Variants in ADCY8 observed in about 807,000 individuals in gnomAD.
ADCY8 encodes the protein adenylate cyclase type 8.
In ADCY8, 51 loss-of-function variants were observed where a neutral mutation model predicts 119.7. The ratio of observed to expected loss-of-function variants is 0.43; its 90% CI spans 0.34 to 0.54. ADCY8 has a LOEUF of 0.54. Ranked by LOEUF, ADCY8 falls within the 20% of genes least tolerant of loss-of-function variation. ADCY8 has a pLI of 0.03. For missense variants in ADCY8, 1,383 were observed against 1,598.8 expected (o/e 0.87, Z 2.30); for synonymous variants, 665 against 651.0 (o/e 1.02, Z -0.33).
At chr8:130,971,708 T>C (rs994448823) in intron 2 of ADCY8, among the ~76,000 whole-genome samples, 2 of 152,136 alleles carry the variant, frequency 1.3e-5, no homozygotes, top group South Asian at 2.1e-4. Flanking sequence ...AGAGGTGATA[T>C]GTGAGCTGAG....
intron 1 of ADCY8, among the ~76,000 whole-genome samples, chr8:131,013,772 G>C (rs536934129): frequency 6.6e-6 from 1 of 152,142 alleles, no homozygotes; most frequent in East Asian, 1.9e-4. Context: ...AACTTGCCAA[G>C]GGCTTGTTTT....
At chr8:131,017,698 G>T (rs1367021054) in intron 1 of ADCY8, among the ~76,000 whole-genome samples, 1 of 152,116 alleles carries the variant, frequency 6.6e-6, no homozygotes, top group African/African-American at 2.4e-5. Context: ...CCTGCAAGGG[G>T]CCGACGATGG....
chr8:130,822,840 T>TA (rs1333238594), intron 12 of ADCY8, among the ~76,000 whole-genome samples: 6 of 152,216 alleles, frequency 3.9e-5, no homozygotes, highest in Non-Finnish European at 2.9e-5. Flanking sequence ...TGAATGTATT[T>TA]AATAGTGTAT....
intron 5 of ADCY8, among the ~76,000 whole-genome samples, chr8:130,929,366 T>C (rs1330847450): frequency 1.3e-5 from 2 of 152,174 alleles, no homozygotes; most frequent in East Asian, 3.8e-4. Flanking sequence ...AATTTTAAAA[T>C]TTTCCTTTAA....
At chr8:130,922,843 A>C (rs1007996090) in intron 5 of ADCY8, among the ~76,000 whole-genome samples, 1 of 152,230 alleles carries the variant, frequency 6.6e-6, no homozygotes, top group Non-Finnish European at 1.5e-5. Flanking sequence ...AACATGATTC[A>C]GAGCCTTTGC....
intron 9 of ADCY8, among the ~76,000 whole-genome samples, chr8:130,851,957 T>C (rs1817543133): frequency 1.3e-5 from 2 of 152,012 alleles, no homozygotes; most frequent in Admixed American, 6.6e-5. Flanking sequence ...TAGGTGGTGA[T>C]TGAGATCAAG....
chr8:130,961,032 A>T (rs1318895660), intron 2 of ADCY8, among the ~76,000 whole-genome samples: 3 of 152,010 alleles, frequency 2.0e-5, no homozygotes, highest in African/African-American at 7.3e-5. Context: ...GATTCCAGTC[A>T]CTCTTTCCCT....
intron 13 of ADCY8, among the ~76,000 whole-genome samples, chr8:130,820,307 A>C (rs1290164858): frequency 6.6e-6 from 1 of 151,942 alleles, no homozygotes; most frequent in African/African-American, 2.4e-5. Flanking sequence ...CTCCATTTCC[A>C]TGGTGATTTC....
rs541516708 is a variant in ADCY8 at position 131,009,385 on chromosome 8, T to C, written c.961-18843A>G. 6.6e-5 allele frequency among the ~76,000 whole-genome samples: 10 copies of C among 152,168 alleles called. No individual in the cohort carries two copies. The South Asian group carries it at 1.9e-3, about 28-fold the overall frequency. The stretch of plus-strand genomic sequence containing the variant: ...TGACCAGGTGGAGGTATTTGAATCA[T>C]GGGGTGGTTTCCCCCTTTTCCCCAT... On this transcript the variant is annotated intron_variant, in intron 1 of 17. Coordinates refer to ENST00000286355, the MANE Select transcript of ADCY8 (RefSeq NM_001115.3).
chr8:130,990,668 T>C, intron 1 of ADCY8, 126 bp from the exon 2 acceptor site: 1 of 1,231,804 alleles, frequency 8.1e-7, no homozygotes. Context: ...TTTAATCGCA[T>C]GTTTGTAGAG....
rs181550587 is a variant in ADCY8 at position 130,905,435 on chromosome 8, A to G, written c.1641-1393T>C. ...ATTTGGTGCTTACTAACAATTTCCT[A>G]CTGTCCAATTCTGCTCAAAAGTCAT... is the stretch of plus-strand genomic sequence containing the variant. On this transcript the variant is annotated intron_variant, in intron 6 of 17. Coordinates refer to ENST00000286355, the MANE Select transcript of ADCY8 (RefSeq NM_001115.3). 3.9e-4 allele frequency among the ~76,000 whole-genome samples: 60 copies of G among 152,306 alleles called. No homozygotes were observed. In the East Asian group the frequency reaches 6.2e-3, roughly 16 times the overall value.
intron 12 of ADCY8, among the ~76,000 whole-genome samples, chr8:130,834,042 C>A (rs534383853): frequency 3.3e-5 from 5 of 152,114 alleles, no homozygotes; most frequent in Non-Finnish European, 5.9e-5. Flanking sequence ...GAGAGTAGAT[C>A]TTACGTGCTG....
At chr8:130,783,558 C>G (rs1246243798) in intron 17 of ADCY8, 133 bp downstream of exon 17, 8 of 604,306 alleles carry the variant, frequency 1.3e-5, no homozygotes, top group Non-Finnish European at 2.3e-5. Flanking sequence ...TGTCCCTATC[C>G]TTGGCAGGGT....
At chr8:130,867,500 G>A (rs1818170073) in intron 9 of ADCY8, among the ~76,000 whole-genome samples, 1 of 152,176 alleles carries the variant, frequency 6.6e-6, no homozygotes, top group Non-Finnish European at 1.5e-5. Context: ...CTACGATGCT[G>A]TATCTGTGAA....
intron 1 of ADCY8, among the ~76,000 whole-genome samples, chr8:131,034,426 C>G (rs867690594): frequency 6.6e-6 from 1 of 152,022 alleles, no homozygotes; most frequent in Non-Finnish European, 1.5e-5. Flanking sequence ...CTTACTCATA[C>G]TATACACCAC....
intron 5 of ADCY8, 104 bp downstream of exon 5, chr8:130,936,969 T>C: frequency 7.3e-7 from 1 of 1,368,016 alleles, no homozygotes; most frequent in Non-Finnish European, 9.8e-7. Flanking sequence ...AGTCAAAAGG[T>C]TCTGCCTTTC....
intron 1 of ADCY8, among the ~76,000 whole-genome samples, chr8:131,031,632 T>C (rs1015298637): frequency 1.3e-5 from 2 of 152,166 alleles, no homozygotes; most frequent in Non-Finnish European, 2.9e-5. Flanking sequence ...ATTTTAAAAG[T>C]GTTTGAGGCC....
intron 8 of ADCY8, among the ~76,000 whole-genome samples, chr8:130,873,870 G>T (rs1391340636): frequency 2.0e-5 from 3 of 151,996 alleles, no homozygotes; most frequent in Admixed American, 1.3e-4. Context: ...TCTTTTATTA[G>T]TATATATTAA....
intron 8 of ADCY8, among the ~76,000 whole-genome samples, chr8:130,879,669 T>G (rs1220390687): frequency 6.6e-6 from 1 of 152,176 alleles, no homozygotes; most frequent in Admixed American, 6.6e-5. Context: ...AATTTGTAAT[T>G]TATAATAGTG....
Sources: gnomAD v4.1 joint callset for allele counts (sites outside exome capture counted in the v4.1 genomes callset) on GRCh38, gnomAD v4.1.1 for gene constraint, MANE v1.5 for transcripts, NCBI Gene and HGNC (gene_info 2026-07-23, HGNC 2026-07-21) for gene names.